The following B3GAT2 variants were observed in gnomAD, a reference collection of about 807,000 sequenced individuals.
B3GAT2 encodes the protein galactosylgalactosylxylosylprotein 3-beta-glucuronosyltransferase 2.
In B3GAT2, 26 loss-of-function variants were observed where a neutral mutation model predicts 27.8. The ratio of observed to expected loss-of-function variants is 0.93; its 90% CI spans 0.68 to 1.30. The LOEUF is 1.30. Among genes scored for constraint, B3GAT2 ranks in the 50% most tolerant of loss-of-function variants. The pLI is 0.00. For synonymous variants in B3GAT2, 218 were observed against 195.1 expected, an observed-to-expected ratio of 1.12 and a Z score of -0.98; for missense variants, 458 against 459.0, an observed-to-expected ratio of 1.00 and a Z score of 0.02.
At chr6:70,881,715 T>C (rs1455921044) in intron 2 of B3GAT2, among the ~76,000 whole-genome samples, 1 of 152,148 alleles carries the variant, frequency 6.6e-6, no homozygotes, top group African/African-American at 2.4e-5. Flanking sequence ...GGAAGCTGTG[T>C]AGGGGCTTGA....
intron 1 of B3GAT2, among the ~76,000 whole-genome samples, chr6:70,935,534 G>A (rs1011680555): frequency 1.3e-5 from 2 of 151,944 alleles, no homozygotes; most frequent in African/African-American, 4.8e-5. Flanking sequence ...GAATGGTGGT[G>A]GGTATCAAAC....
chr6:70,926,633 G>A (rs369725485), intron 1 of B3GAT2, among the ~76,000 whole-genome samples: 18 of 152,258 alleles, frequency 1.2e-4, no homozygotes, highest in East Asian at 1.2e-3. Flanking sequence ...AGACAAAAGA[G>A]TAAAAAGAAA....
chr6:70,887,101 C>T lies in B3GAT2; in HGVS notation c.736+7027G>A, dbSNP rs1329023993. On this transcript the variant is annotated intron_variant, in intron 2 of 3. Coordinates refer to ENST00000230053, the MANE Select transcript of B3GAT2 (RefSeq NM_080742.3). ...CATGGAAAACAGCACACTTAAATCA[C>T]GAATGACTCCAAAGTGGCAGGAAGA... 3.9e-5 allele frequency among the ~76,000 whole-genome samples: 6 copies of T among 152,174 alleles called. No homozygotes were observed. In the South Asian group the frequency reaches 1.0e-3, roughly 26 times the overall value.
At chr6:70,877,506 C>T (rs982855511) in intron 2 of B3GAT2, among the ~76,000 whole-genome samples, 15 of 152,150 alleles carry the variant, frequency 9.9e-5, no homozygotes, top group East Asian at 1.9e-4. Context: ...GTAACCTGTA[C>T]GCTCTCCTCT....
At chr6:70,929,634 C>T (rs942804601) in intron 1 of B3GAT2, among the ~76,000 whole-genome samples, 3 of 152,150 alleles carry the variant, frequency 2.0e-5, no homozygotes, top group Admixed American at 6.5e-5. Context: ...ATCCAACTTA[C>T]AAGGGATGTG....
Position 70,947,536 on chromosome 6 carries a change from A to G in B3GAT2, c.591+8303T>C, listed in dbSNP as rs1206771903. Among the ~76,000 whole-genome samples, 5 of 152,232 alleles carry G rather than the reference A, an allele frequency of 3.3e-5. No individual in the cohort carries two copies. The South Asian group carries it at 1.0e-3, about 32-fold the overall frequency. On this transcript the variant is annotated intron_variant, in intron 1 of 3. Transcript: ENST00000230053. ...CCCTCCGAAGACTAAACCAGGAAGAAGTTGAATCTCTGAATAGACCAATAA... is the reference window on the plus strand; with the variant it reads ...CCCTCCGAAGACTAAACCAGGAAGAGGTTGAATCTCTGAATAGACCAATAA...
chr6:70,934,511 T>A (rs1187435725), intron 1 of B3GAT2, among the ~76,000 whole-genome samples: 3 of 152,252 alleles, frequency 2.0e-5, no homozygotes, highest in East Asian at 3.9e-4. Context: ...CTATCTTTAT[T>A]AAGAAAGCCA....
At chr6:70,925,912 G>A (rs558579857) in intron 1 of B3GAT2, among the ~76,000 whole-genome samples, 4 of 152,274 alleles carry the variant, frequency 2.6e-5, no homozygotes, top group Admixed American at 1.3e-4. Flanking sequence ...CGACTGACAC[G>A]TCATACAGCC....
chr6:70,917,190 G>T (rs1175380860), intron 1 of B3GAT2, among the ~76,000 whole-genome samples: 1 of 152,192 alleles, frequency 6.6e-6, no homozygotes, highest in Non-Finnish European at 1.5e-5. Flanking sequence ...TTGCGTAGAG[G>T]TGTTTATAGT....
intron 1 of B3GAT2, among the ~76,000 whole-genome samples, chr6:70,938,898 T>C (rs1765340425): frequency 6.6e-6 from 1 of 151,480 alleles, no homozygotes; most frequent in African/African-American, 2.4e-5. Context: ...AATTGACAAA[T>C]GGGATCTAAT....
At chr6:70,946,288 T>A (rs569368298) in intron 1 of B3GAT2, among the ~76,000 whole-genome samples, 1 of 151,708 alleles carries the variant, frequency 6.6e-6, no homozygotes, top group East Asian at 2.0e-4. Flanking sequence ...GGGTCTTGAC[T>A]GGGGATAAAG....
Position 70,956,214 on chromosome 6 carries a change from C to T in B3GAT2, c.216G>A (p.Gln72=), listed in dbSNP as rs2150055257. Residue 72 remains glutamine (Q), a synonymous_variant, in exon 1 of 4, where the codon CAG becomes CAA. Coordinates refer to ENST00000230053, the MANE Select transcript of B3GAT2 (RefSeq NM_080742.3). The stretch of plus-strand genomic sequence containing the variant: ...TGGGCAGCTGCGGCTCCGGCTGTGG[C>T]TGCGGCCGAGACTGGTTGCGCTTTT... The part of the protein sequence containing the change: ...GTQKRNQSRP[Q]PQPEPQLPTI... The T allele has an allele frequency of 6.2e-7, 1 of 1,612,340 alleles. No individual in the cohort carries two copies. Among genetic ancestry groups the T allele is most frequent in the East Asian group, 2.2e-5 (1 of 44,826 alleles).
chr6:70,899,606 C>T (rs1435038505), intron 1 of B3GAT2, among the ~76,000 whole-genome samples: 1 of 152,188 alleles, frequency 6.6e-6, no homozygotes, highest in Non-Finnish European at 1.5e-5. Context: ...TCCAGATGCC[C>T]TCACCATCTA....
At position 70,946,512 on chromosome 6, in the gene B3GAT2, A is replaced by G. The variant is rs1243088346; in HGVS notation, c.591+9327T>C. Among the ~76,000 whole-genome samples the G allele has an allele frequency of 2.0e-5, 3 of 152,260 alleles. No individual in the cohort carries two copies. In the East Asian group the frequency reaches 5.8e-4, roughly 29 times the overall value. On this transcript the variant is annotated intron_variant, in intron 1 of 3. Transcript: ENST00000230053. The stretch of plus-strand genomic sequence containing the variant: ...CCGTTACATAACGGTAAAGGGATCA[A>G]TTCAACAAGAAGAGCTAACTATCCT...
At position 70,902,617 on chromosome 6, in the gene B3GAT2, G is replaced by GATATATATATATATAT. The variant is rs61150776; in HGVS notation, c.592-8361_592-8346dup. Among the ~76,000 whole-genome samples the GATATATATATATATAT allele has an allele frequency of 2.5e-4, 31 of 125,266 alleles. No homozygotes were observed. The East Asian group carries it at 5.1e-3, about 21-fold the overall frequency. The allele number at this position is 125,266 out of a possible 152,430, so 82.2% of individuals were successfully genotyped here. A position where few individuals can be genotyped will look rare whatever the true frequency, so the allele number is the denominator to read the frequency against. On this transcript the variant is annotated intron_variant, in intron 1 of 3. Transcript: ENST00000230053. ...ACAGATGAATGGATTAAGAAAATGG[G>GATATATATATATATAT]ATATATATATATATATATATACACA... is the stretch of plus-strand genomic sequence containing the variant.
chr6:70,925,015 C>G (rs1228970189), intron 1 of B3GAT2, among the ~76,000 whole-genome samples: 11 of 152,252 alleles, frequency 7.2e-5, no homozygotes, highest in Admixed American at 6.5e-4. Flanking sequence ...ATGGCACCAC[C>G]TGACCTGCCA....
chr6:70,899,063 T>C (rs1373484595), intron 1 of B3GAT2, among the ~76,000 whole-genome samples: 4 of 152,076 alleles, frequency 2.6e-5, no homozygotes, highest in Admixed American at 6.5e-5. Flanking sequence ...TCACTATGTG[T>C]CTGTGCTGTG....
intron 1 of B3GAT2, among the ~76,000 whole-genome samples, chr6:70,907,234 T>G (rs1772616829): frequency 6.6e-6 from 1 of 152,200 alleles, no homozygotes; most frequent in Non-Finnish European, 1.5e-5. Flanking sequence ...CTGGCAGTCC[T>G]GGCCATCAGA....
chr6:70,858,078 C>G lies in B3GAT2; in HGVS notation c.*3585G>C. The stretch of plus-strand genomic sequence containing the variant: ...AGCATGATGGTGGGCATGCCCATGC[C>G]CAATGGGTTTATGGGAAATGCACAA... On this transcript the variant is annotated 3_prime_UTR_variant, in exon 4 of 4. Coordinates refer to ENST00000230053, the MANE Select transcript of B3GAT2 (RefSeq NM_080742.3). 1.2e-6 allele frequency: 2 copies of G among 1,614,044 alleles called. No individual in the cohort carries two copies. Among genetic ancestry groups the G allele is most frequent in the Non-Finnish European group, 1.7e-6 (2 of 1,179,998 alleles).
Sources: gnomAD v4.1 joint callset for allele counts (sites outside exome capture counted in the v4.1 genomes callset) on GRCh38, gnomAD v4.1.1 for gene constraint, MANE v1.5 for transcripts, NCBI Gene and HGNC (gene_info 2026-07-23, HGNC 2026-07-21) for gene names.